Variants in ZFYVE9 observed in about 807,000 individuals in gnomAD.
The protein encoded by ZFYVE9 is zinc finger FYVE domain-containing protein 9.
In ZFYVE9, 43 loss-of-function variants were observed where a neutral mutation model predicts 126.7. That is an observed-to-expected ratio of 0.34 (90% confidence interval 0.27 to 0.44). The LOEUF (loss-of-function observed/expected upper bound fraction) is 0.44, where lower values mean the gene tolerates loss of function less well. ZFYVE9 is among the 20% of genes least tolerant of loss of function. The pLI, the probability that ZFYVE9 is intolerant of heterozygous loss-of-function variation, is 1.00. For synonymous variants in ZFYVE9, 521 were observed against 597.4 expected (o/e 0.87, Z 1.87); for missense variants, 1,476 against 1,697.0 (o/e 0.87, Z 2.29).
chr1:52,218,736 C>G (rs1044493979), intron 2 of ZFYVE9, among the ~76,000 whole-genome samples: 4 of 152,182 alleles, frequency 2.6e-5, no homozygotes, highest in Non-Finnish European at 4.4e-5. Context: ...TTAACTTCTA[C>G]TATAGCTACT....
chr1:52,300,933 C>T (rs1209744900), intron 12 of ZFYVE9, among the ~76,000 whole-genome samples: 2 of 151,106 alleles, frequency 1.3e-5, no homozygotes, highest in Non-Finnish European at 2.9e-5. Flanking sequence ...AATCTCGGCT[C>T]ACTGCAACTT....
At chr1:52,164,710 G>A (rs1477249250) in intron 1 of ZFYVE9, among the ~76,000 whole-genome samples, 1 of 152,150 alleles carries the variant, frequency 6.6e-6, no homozygotes, top group Admixed American at 6.5e-5. Context: ...AGGCTAACAA[G>A]GCATTGAGGC....
intron 17 of ZFYVE9, among the ~76,000 whole-genome samples, chr1:52,343,150 C>A (rs4475695): frequency 0.91 from 137,886 of 151,450 alleles, 62,948 homozygotes; most frequent in Middle Eastern, 0.95. Context: ...TCTTGATCTC[C>A]TGACCTTGTG....
intron 10 of ZFYVE9, among the ~76,000 whole-genome samples, chr1:52,292,476 T>C (rs1645931587): frequency 3.5e-5 from 5 of 143,946 alleles, no homozygotes; most frequent in South Asian, 4.5e-4. Context: ...TTTCTTTTTT[T>C]TTTTTTTTTT....
At chr1:52,158,542 C>T (rs751785606) in intron 1 of ZFYVE9, among the ~76,000 whole-genome samples, 1 of 152,190 alleles carries the variant, frequency 6.6e-6, no homozygotes, top group African/African-American at 2.4e-5. Flanking sequence ...GTCTATCAGG[C>T]TTCTAGGTTT....
intron 1 of ZFYVE9, among the ~76,000 whole-genome samples, chr1:52,200,391 T>C (rs1284817924): frequency 2.0e-5 from 3 of 152,086 alleles, no homozygotes; most frequent in Non-Finnish European, 4.4e-5. Context: ...ATGTTGCCCA[T>C]GCTGGTGTTG....
chr1:52,150,050 A>G (rs957818421), intron 1 of ZFYVE9: 2 of 152,190 alleles, frequency 1.3e-5, no homozygotes, highest in African/African-American at 4.8e-5. Context: ...ATATTTTTAT[A>G]TGTTACATAG....
At chr1:52,343,037 G>A (rs1391014200) in intron 17 of ZFYVE9, among the ~76,000 whole-genome samples, 1 of 151,854 alleles carries the variant, frequency 6.6e-6, no homozygotes, top group African/African-American at 2.4e-5. Flanking sequence ...CTCCTGAGCA[G>A]CTGGGACCAT....
At chr1:52,239,731 A>G (rs993178374) in intron 4 of ZFYVE9, 136 bp downstream of exon 4, 3 of 992,096 alleles carry the variant, frequency 3.0e-6, no homozygotes, top group Non-Finnish European at 4.2e-6. Context: ...ACCCAGTTCT[A>G]GTAAATTTCT....
intron 10 of ZFYVE9, among the ~76,000 whole-genome samples, chr1:52,289,169 A>T (rs971568347): frequency 3.4e-4 from 52 of 152,184 alleles, no homozygotes; most frequent in Admixed American, 3.3e-3. Context: ...ATTGTAAATT[A>T]CTGTATCTGT....
At chr1:52,181,948 A>G (rs1644710564) in intron 1 of ZFYVE9, among the ~76,000 whole-genome samples, 2 of 145,522 alleles carry the variant, frequency 1.4e-5, no homozygotes, top group Admixed American at 6.7e-5. Flanking sequence ...TCGGGGAGGG[A>G]GGTGGGGGTC....
intron 13 of ZFYVE9, among the ~76,000 whole-genome samples, chr1:52,314,398 C>G (rs76236194): frequency 0.03 from 4,566 of 152,248 alleles, 170 homozygotes; most frequent in African/African-American, 0.087. Context: ...AAAATGAAGG[C>G]AGGCTGGGCG....
At chr1:52,213,701 CTT>C (rs1645047649) in intron 1 of ZFYVE9, among the ~76,000 whole-genome samples, 1 of 151,958 alleles carries the variant, frequency 6.6e-6, no homozygotes, top group Admixed American at 6.6e-5. Flanking sequence ...CATTTATTTT[CTT>C]TCTTTCTTGA....
At position 52,256,061 on chromosome 1, in the gene ZFYVE9, CTCTTTCTTTCT is replaced by C. The variant is rs1326227930; in HGVS notation, c.2179-7710_2179-7700del. ...TCTTTCTTTCTCTCTCTCTCTCTCT[CTCTTTCTTTCT>C]TTTCTTTCTTTCAGATGGAGTCTCG... is the stretch of plus-strand genomic sequence containing the variant. On this transcript the variant is annotated intron_variant, in intron 4 of 18. Transcript: ENST00000287727. Among the ~76,000 whole-genome samples, 4 of 143,272 alleles carry C rather than the reference CTCTTTCTTTCT, an allele frequency of 2.8e-5. No homozygotes were observed. The East Asian group carries it at 6.1e-4, about 22-fold the overall frequency. The allele number at this position is 143,272 out of a possible 152,430, so 94.0% of individuals were successfully genotyped here.
At chr1:52,295,245 TCTTAAA>T (rs970715883) in intron 11 of ZFYVE9, among the ~76,000 whole-genome samples, 1 of 151,232 alleles carries the variant, frequency 6.6e-6, no homozygotes, top group African/African-American at 2.4e-5. Context: ...AAAAGTGAAC[TCTTAAA>T]CTTATTGAGC....
intron 1 of ZFYVE9, among the ~76,000 whole-genome samples, chr1:52,199,255 G>T (rs970614533): frequency 1.3e-5 from 2 of 151,994 alleles, no homozygotes; most frequent in African/African-American, 4.8e-5. Context: ...TTTTAGTAGA[G>T]ACGGAGTTTC....
chr1:52,176,660 C>T (rs889263966), intron 1 of ZFYVE9, among the ~76,000 whole-genome samples: 20 of 152,162 alleles, frequency 1.3e-4, no homozygotes, highest in Admixed American at 3.9e-4. Flanking sequence ...TCGAGCTTCC[C>T]GGCTGCTTTG....
chr1:52,300,186 AGTTT>A (rs1170352279), intron 12 of ZFYVE9, among the ~76,000 whole-genome samples: 6 of 152,122 alleles, frequency 3.9e-5, no homozygotes, highest in African/African-American at 1.2e-4. Context: ...GTTGAAATAT[AGTTT>A]GTTTATTGTT....
intron 1 of ZFYVE9, among the ~76,000 whole-genome samples, chr1:52,153,092 A>G (rs1400346923): frequency 6.6e-6 from 1 of 152,252 alleles, no homozygotes; most frequent in East Asian, 1.9e-4. Flanking sequence ...AGAGCTGCCC[A>G]AGGAGAGCAT....
Sources: gnomAD v4.1 joint callset for allele counts (sites outside exome capture counted in the v4.1 genomes callset) on GRCh38, gnomAD v4.1.1 for gene constraint, MANE v1.5 for transcripts, NCBI Gene and HGNC (gene_info 2026-07-23, HGNC 2026-07-21) for gene names.